The following BTG4 variants were observed in gnomAD, a reference collection of about 807,000 sequenced individuals.
The protein encoded by BTG4 is BTG anti-proliferation factor 4, also known as protein BTG4.
A neutral mutation model predicts 19.3 loss-of-function variants in BTG4; 10 were observed. That is an observed-to-expected ratio of 0.52 (90% CI 0.32 to 0.88). The LOEUF (loss-of-function observed/expected upper bound fraction) is 0.88, where lower values mean the gene tolerates loss of function less well. Among genes scored for constraint, BTG4 ranks in the 40% least tolerant of loss-of-function variants. The pLI is 0.04. For missense variants in BTG4, 238 were observed against 281.9 expected, an observed-to-expected ratio of 0.84 and a Z score of 1.11; for synonymous variants, 91 against 95.7, an observed-to-expected ratio of 0.95 and a Z score of 0.29.
chr11:111,495,835 T>C (rs572487289), intron 4 of BTG4, among the ~76,000 whole-genome samples: 1 of 152,346 alleles, frequency 6.6e-6, no homozygotes, highest in Admixed American at 6.5e-5. Context: ...ACAACCTCGA[T>C]AGGTTATTGG....
At chr11:111,474,262 G>A (rs141259326) in intron 5 of BTG4, among the ~76,000 whole-genome samples, 2 of 152,234 alleles carry the variant, frequency 1.3e-5, no homozygotes, top group East Asian at 3.9e-4. Flanking sequence ...GTTGTCCAAT[G>A]TGAATACTCC....
At chr11:111,405,453 A>G in the BTG4 span, among the ~76,000 whole-genome samples, 1 of 145,958 alleles carries the variant, frequency 6.9e-6, no homozygotes, top group Non-Finnish European at 1.5e-5. Context: ...GGACCATGAG[A>G]ACCCAGAGAG....
chr11:111,436,881 G>A, the BTG4 span, among the ~76,000 whole-genome samples: 1 of 152,166 alleles, frequency 6.6e-6, no homozygotes, highest in East Asian at 1.9e-4. Context: ...GGTGTTTGTT[G>A]TATTTCTCCG....
At chr11:111,385,426 G>T in the BTG4 span, 1 of 152,084 alleles carries the variant, frequency 6.6e-6, no homozygotes, top group Non-Finnish European at 1.5e-5. Context: ...AGCCAATCAT[G>T]TAAACTTGAT....
intron 5 of BTG4, among the ~76,000 whole-genome samples, chr11:111,480,653 C>T (rs1292186881): frequency 2.0e-5 from 3 of 151,700 alleles, no homozygotes; most frequent in East Asian, 1.9e-4. Flanking sequence ...TAACAAAAAC[C>T]GGTAAATCTC....
At chr11:111,413,332 T>C in the BTG4 span, among the ~76,000 whole-genome samples, 1 of 152,248 alleles carries the variant, frequency 6.6e-6, no homozygotes, top group African/African-American at 2.4e-5. Flanking sequence ...CCAGTTCCAC[T>C]GAATCAGAAT....
chr11:111,398,507 G>A, the BTG4 span, among the ~76,000 whole-genome samples: 1 of 151,986 alleles, frequency 6.6e-6, no homozygotes, highest in African/African-American at 2.4e-5. Flanking sequence ...AGGCTGGAGT[G>A]CAGTGGCTCA....
At chr11:111,475,436 G>T (rs1016517454) in intron 5 of BTG4, 1 of 151,894 alleles carries the variant, frequency 6.6e-6, no homozygotes, top group Non-Finnish European at 1.5e-5. Flanking sequence ...GGCTAAGGTT[G>T]TCTATTACTG....
chr11:111,495,226 T>C lies in BTG4; in HGVS notation c.599A>G (p.Asn200Ser). ...VVDGRVGLLGNTYHGSQKHPK... is the reference protein window; with the variant it reads ...VVDGRVGLLGSTYHGSQKHPK... ...ATGCTTCTGCGAGCCATGGTAAGTG[T>C]TTCCCAGGAGGCCAACACGGCCGTC... Residue 200 changes from asparagine to serine, a missense_variant, in exon 5 of 5, where the codon AAC (asparagine) becomes AGC (serine). Coordinates refer to ENST00000692032, the MANE Select transcript of BTG4 (RefSeq NM_001367975.1). 1.2e-6 allele frequency: 2 copies of C among 1,612,952 alleles called. No individual in the cohort carries two copies. The highest frequency in any genetic ancestry group is 1.1e-5 in the South Asian group (1 of 90,760).
chr11:111,399,503 A>G, the BTG4 span, among the ~76,000 whole-genome samples: 101,140 of 152,032 alleles, frequency 0.67, 34,405 homozygotes, highest in Admixed American at 0.78. Flanking sequence ...TCAGCCAGAT[A>G]TTTACCCCTT....
the BTG4 span, among the ~76,000 whole-genome samples, chr11:111,442,003 G>A: frequency 3.3e-5 from 5 of 151,984 alleles, no homozygotes; most frequent in African/African-American, 1.2e-4. Flanking sequence ...AGGTTGCAGT[G>A]AGCCGAGATC....
chr11:111,449,261 A>G, the BTG4 span: 1 of 151,994 alleles, frequency 6.6e-6, no homozygotes, highest in African/African-American at 2.4e-5. Flanking sequence ...AAACCTGGGC[A>G]TGGTTCACCA....
the BTG4 span, among the ~76,000 whole-genome samples, chr11:111,396,623 G>A: frequency 4.6e-5 from 7 of 152,172 alleles, no homozygotes; most frequent in African/African-American, 7.2e-5. Flanking sequence ...TGCTATTCCC[G>A]CCCTCAATGT....
chr11:111,513,055 C>A (rs942315758), upstream of BTG4: 1 of 456,960 alleles, frequency 2.2e-6, no homozygotes, highest in Non-Finnish European at 4.6e-6. Context: ...AAGAAGACGC[C>A]GGCTCGGGCA....
At chr11:111,497,113 C>T (rs762505574) in intron 4 of BTG4, 98 bp downstream of exon 4, 3 of 1,237,282 alleles carry the variant, frequency 2.4e-6, no homozygotes, top group Non-Finnish European at 3.4e-6. Flanking sequence ...CAGTTTTGTT[C>T]TTTCCATGTT....
chr11:111,443,308 T>C, the BTG4 span, among the ~76,000 whole-genome samples: 4 of 152,216 alleles, frequency 2.6e-5, no homozygotes, highest in Non-Finnish European at 5.9e-5. Context: ...TGACTGGATG[T>C]CATATGTGGT....
downstream of BTG4, among the ~76,000 whole-genome samples, chr11:111,491,734 C>CAA (rs5794751): frequency 4.9e-3 from 486 of 99,662 alleles, 2 homozygotes; most frequent in East Asian, 0.014. Flanking sequence ...GACCTGATCT[C>CAA]AAAAAAAAAA....
upstream of BTG4, chr11:111,514,679 G>A: frequency 1.1e-6 from 1 of 879,218 alleles, no homozygotes; most frequent in Non-Finnish European, 1.8e-6. Context: ...AGGAAACCGA[G>A]GGCAGCCGGC....
rs146235681 is a variant in BTG4 at position 111,502,396 on chromosome 11, A to G, written c.-26-3594T>C. On this transcript the variant is annotated intron_variant, in intron 1 of 4. Transcript: ENST00000692032. ...AAGATAGATACCGCCTTAGCTGTGAAGAAGATTTTAAGCTTATTTTACACT... is the reference window on the plus strand; with the variant it reads ...AAGATAGATACCGCCTTAGCTGTGAGGAAGATTTTAAGCTTATTTTACACT... Among the ~76,000 whole-genome samples the G allele has an allele frequency of 2.2e-3, 332 of 152,342 alleles. 2 individuals are homozygous for G. The East Asian group carries it at 0.041, about 19-fold the overall frequency.
Sources: gnomAD v4.1 joint callset for allele counts (sites outside exome capture counted in the v4.1 genomes callset) on GRCh38, gnomAD v4.1.1 for gene constraint, MANE v1.5 for transcripts, NCBI Gene and HGNC (gene_info 2026-07-23, HGNC 2026-07-21) for gene names.